Variants in SLC25A13 observed in about 807,000 individuals in gnomAD.
SLC25A13 encodes the protein electrogenic aspartate/glutamate antiporter SLC25A13, mitochondrial.
A neutral mutation model predicts 85.5 loss-of-function variants in SLC25A13; 70 were observed. The ratio of observed to expected loss-of-function variants is 0.82; its 90% confidence interval spans 0.68 to 1.00. The LOEUF (loss-of-function observed/expected upper bound fraction) is 1.00. Ranked by LOEUF, SLC25A13 falls within the 50% of genes least tolerant of loss-of-function variation. The pLI, the probability that SLC25A13 is intolerant of heterozygous loss-of-function variation, is 0.00. For missense variants in SLC25A13, 765 were observed against 819.8 expected, an observed-to-expected ratio of 0.93 and a Z score of 0.82; for synonymous variants, 259 against 288.7, an observed-to-expected ratio of 0.90 and a Z score of 1.04.
chr7:96,280,588 A>C (rs975308566), intron 2 of SLC25A13, among the ~76,000 whole-genome samples: 1 of 152,028 alleles, frequency 6.6e-6, no homozygotes, highest in African/African-American at 2.4e-5. Context: ...GGTAACGTGC[A>C]CCTGTAGTCC....
chr7:96,280,702 G>A (rs1426353000), intron 2 of SLC25A13, among the ~76,000 whole-genome samples: 1 of 151,852 alleles, frequency 6.6e-6, no homozygotes, highest in Non-Finnish European at 1.5e-5. Flanking sequence ...GCAACAAAGT[G>A]AGACCCTGTC....
intron 3 of SLC25A13, among the ~76,000 whole-genome samples, chr7:96,257,250 T>C (rs112142308): frequency 0.034 from 5,198 of 151,986 alleles, 229 homozygotes; most frequent in African/African-American, 0.1. Context: ...CAAAATACCC[T>C]TCAAAAAAAA....
chr7:96,293,873 A>G lies in SLC25A13; in HGVS notation c.69+3025T>C, dbSNP rs531360675. Among the ~76,000 whole-genome samples, 1,425 of 152,206 alleles carry G rather than the reference A, an allele frequency of 9.4e-3. 18 individuals are homozygous for G. The highest frequency in any genetic ancestry group is 0.032 in the African/African-American group (1,325 of 41,502). ...CAACCATTGTGGAAGACAGTGTGGC[A>G]ATTCCTCAAGGATCTAGAACTAGAA... On this transcript the variant is annotated intron_variant, in intron 2 of 17. Coordinates refer to ENST00000265631, the MANE Select transcript of SLC25A13 (RefSeq NM_014251.3).
At chr7:96,123,152 A>G (rs1791584398) in intron 15 of SLC25A13, among the ~76,000 whole-genome samples, 1 of 152,228 alleles carries the variant, frequency 6.6e-6, no homozygotes, top group South Asian at 2.1e-4. Flanking sequence ...TTTATAAAAT[A>G]CATCACAATT....
At chr7:96,169,632 G>GCAAAGC (rs1483310214) in intron 13 of SLC25A13, among the ~76,000 whole-genome samples, 4 of 152,108 alleles carry the variant, frequency 2.6e-5, no homozygotes. Context: ...CACTTGCAAG[G>GCAAAGC]CAAAGCCAAG....
Position 96,218,249 on chromosome 7 carries a change from T to A in SLC25A13, c.329-9272A>T, listed in dbSNP as rs192721335. Among the ~76,000 whole-genome samples, 368 of 152,304 alleles carry A rather than the reference T, an allele frequency of 2.4e-3. 2 individuals are homozygous for A. The highest frequency in any genetic ancestry group is 0.017 in the East Asian group (89 of 5,186). On this transcript the variant is annotated intron_variant, in intron 4 of 17. Transcript: ENST00000265631. Reference sequence around the variant, plus strand: ...AATAATTTTCCTCAAATATTTAAAATCCATCCTTTCTTGAGCTCATATGCT... The same window carrying A: ...AATAATTTTCCTCAAATATTTAAAAACCATCCTTTCTTGAGCTCATATGCT...
At chr7:96,275,927 G>A (rs1166040008) in intron 3 of SLC25A13, among the ~76,000 whole-genome samples, 3 of 152,156 alleles carry the variant, frequency 2.0e-5, no homozygotes, top group Admixed American at 2.0e-4. Context: ...GAAAAGGAAA[G>A]TGCTAGTGAA....
intron 2 of SLC25A13, among the ~76,000 whole-genome samples, chr7:96,290,387 C>A (rs4729249): frequency 0.14 from 21,138 of 152,072 alleles, 1,808 homozygotes; most frequent in East Asian, 0.23. Context: ...AAATAACCAG[C>A]TAACATCATA....
intron 3 of SLC25A13, among the ~76,000 whole-genome samples, chr7:96,260,318 G>A (rs1221433945): frequency 6.6e-6 from 1 of 151,836 alleles, no homozygotes; most frequent in East Asian, 1.9e-4. Context: ...AAAAATCAAT[G>A]GATCATATCA....
intron 3 of SLC25A13, among the ~76,000 whole-genome samples, chr7:96,251,376 A>C (rs886904531): frequency 1.3e-5 from 2 of 152,176 alleles, no homozygotes. Flanking sequence ...GAGAGCCATA[A>C]AGGATTGTGA....
At chr7:96,147,080 C>T (rs183412773) in intron 13 of SLC25A13, among the ~76,000 whole-genome samples, 293 of 53,506 alleles carry the variant, frequency 5.5e-3, no homozygotes, top group Non-Finnish European at 7.7e-3. Flanking sequence ...AGACACAGAA[C>T]GTATCCAAAT....
chr7:96,196,080 A>G (rs1795051065), intron 5 of SLC25A13, among the ~76,000 whole-genome samples: 1 of 152,234 alleles, frequency 6.6e-6, no homozygotes, highest in African/African-American at 2.4e-5. Context: ...CATTCTCATC[A>G]GTGAAAAGTA....
At chr7:96,205,071 C>A (rs574148267) in intron 5 of SLC25A13, among the ~76,000 whole-genome samples, 24 of 152,222 alleles carry the variant, frequency 1.6e-4, no homozygotes, top group African/African-American at 5.5e-4. Context: ...CTATGTCCAG[C>A]TAATTTTTTT....
At chr7:96,260,272 A>G (rs1159309006) in intron 3 of SLC25A13, among the ~76,000 whole-genome samples, 1 of 152,116 alleles carries the variant, frequency 6.6e-6, no homozygotes, top group Non-Finnish European at 1.5e-5. Flanking sequence ...AATATATAAA[A>G]TAACAACCTA....
chr7:96,239,521 C>T (rs1455518396), intron 3 of SLC25A13, among the ~76,000 whole-genome samples: 1 of 152,052 alleles, frequency 6.6e-6, no homozygotes, highest in African/African-American at 2.4e-5. Flanking sequence ...CTTTTCCACC[C>T]GCAACTCCCA....
At chr7:96,165,993 G>C (rs1793725377) in intron 13 of SLC25A13, among the ~76,000 whole-genome samples, 1 of 152,228 alleles carries the variant, frequency 6.6e-6, no homozygotes, top group African/African-American at 2.4e-5. Flanking sequence ...ATGCATATGG[G>C]AATCACCATT....
intron 5 of SLC25A13, among the ~76,000 whole-genome samples, chr7:96,203,663 T>C (rs1180592720): frequency 2.0e-5 from 3 of 152,226 alleles, no homozygotes; most frequent in African/African-American, 7.2e-5. Context: ...TAGACTTTTC[T>C]ATCCTGAGAT....
intron 1 of SLC25A13, among the ~76,000 whole-genome samples, chr7:96,303,975 G>A (rs56086820): frequency 0.014 from 2,070 of 152,134 alleles, 42 homozygotes; most frequent in African/African-American, 0.047. Flanking sequence ...TGTTCTCTGC[G>A]AGTGAGCCCT....
intron 3 of SLC25A13, among the ~76,000 whole-genome samples, chr7:96,248,007 T>G (rs1584509412): frequency 1.3e-5 from 2 of 150,020 alleles, no homozygotes; most frequent in Admixed American, 1.3e-4. Flanking sequence ...ATACTCTCCA[T>G]CAGCCTACAC....
Sources: gnomAD v4.1 joint callset for allele counts (sites outside exome capture counted in the v4.1 genomes callset) on GRCh38, gnomAD v4.1.1 for gene constraint, MANE v1.5 for transcripts, NCBI Gene and HGNC (gene_info 2026-07-23, HGNC 2026-07-21) for gene names.